SYTL3: variants seen among roughly 807,000 people sequenced by gnomAD.
SYTL3 encodes synaptotagmin-like protein 3.
In SYTL3, 88 loss-of-function variants were observed where a neutral mutation model predicts 82.1. The observed-to-expected ratio is 1.07, with a 90% confidence interval of 0.90 to 1.28. The LOEUF (loss-of-function observed/expected upper bound fraction) is 1.28, where lower values mean the gene tolerates loss of function less well. SYTL3 is among the 50% of genes most tolerant of loss of function. The pLI is 0.00. For missense variants in SYTL3, 831 were observed against 757.6 expected (o/e 1.10, Z -1.14); for synonymous variants, 311 against 289.4 (o/e 1.07, Z -0.76).
At chr6:158,763,052 C>T (rs1177496171) in intron 16 of SYTL3, among the ~76,000 whole-genome samples, 2 of 152,136 alleles carry the variant, frequency 1.3e-5, no homozygotes. Flanking sequence ...GTGGGAGGCA[C>T]CCCAAGGAGG....
intron 6 of SYTL3, among the ~76,000 whole-genome samples, chr6:158,702,359 T>TA (rs1554253986): frequency 2.5e-4 from 38 of 149,516 alleles, no homozygotes; most frequent in African/African-American, 8.8e-4. Flanking sequence ...TTTTTTTTTT[T>TA]ATAGGACATA....
chr6:158,708,044 A>G (rs950348955), intron 7 of SYTL3, among the ~76,000 whole-genome samples: 3 of 152,178 alleles, frequency 2.0e-5, no homozygotes, highest in African/African-American at 7.2e-5. Context: ...TGGCAGGTCC[A>G]GGCCGGAGCA....
rs1790583535 is a variant in SYTL3 at position 158,764,745 on chromosome 6, T to C, written c.*141T>C. The C allele has an allele frequency of 1.6e-6, 1 of 606,658 alleles. No homozygotes were observed. Among genetic ancestry groups the C allele is most frequent in the African/African-American group, 1.8e-5 (1 of 54,358 alleles). 37.6% of individuals were successfully genotyped at this position (606,658 alleles called of 1,614,324 possible). ...CCATCTGCGGCCCTGTCCCATGGCTTAACCGCCTATTGGTATCTGTGTATA... is the reference window on the plus strand; with the variant it reads ...CCATCTGCGGCCCTGTCCCATGGCTCAACCGCCTATTGGTATCTGTGTATA... On this transcript the variant is annotated 3_prime_UTR_variant, in exon 18 of 18. Transcript: ENST00000611299.
intron 11 of SYTL3, among the ~76,000 whole-genome samples, chr6:158,734,160 A>T (rs991899511): frequency 6.6e-6 from 1 of 152,094 alleles, no homozygotes; most frequent in Non-Finnish European, 1.5e-5. Context: ...TGCTAAAAAA[A>T]ACCTTTTTGT....
intron 11 of SYTL3, among the ~76,000 whole-genome samples, chr6:158,730,592 C>A (rs1785273947): frequency 6.6e-6 from 1 of 152,084 alleles, no homozygotes; most frequent in Admixed American, 6.6e-5. Context: ...CGAGACCCAC[C>A]CTGTGTGACG....
At chr6:158,652,183 C>G (rs1225234967) in intron 2 of SYTL3, among the ~76,000 whole-genome samples, 1 of 151,914 alleles carries the variant, frequency 6.6e-6, no homozygotes, top group African/African-American at 2.4e-5. Context: ...CCACCTCGGC[C>G]TCCCAAAGTG....
chr6:158,749,161 G>T (rs1375825199), intron 12 of SYTL3, among the ~76,000 whole-genome samples: 1 of 151,964 alleles, frequency 6.6e-6, no homozygotes, highest in Non-Finnish European at 1.5e-5. Flanking sequence ...GGAGGCAGAG[G>T]TTGCAGTGAG....
In SYTL3 at chr6:158,674,119, A is replaced by AATAATAATAATAATAATG. The variant is rs544841096; in HGVS notation, c.329+8508_329+8509insAATAATAATAATAATGAT. On this transcript the variant is annotated intron_variant, in intron 5 of 17. Coordinates refer to ENST00000611299, the MANE Select transcript of SYTL3 (RefSeq NM_001242394.2). ...TAATAATAATAATAATAATAATAAT[A>AATAATAATAATAATAATG]ATGATGATGATGATGATAATCTTCT... 4.4e-3 allele frequency among the ~76,000 whole-genome samples: 617 copies of AATAATAATAATAATAATG among 141,416 alleles called. 5 individuals carry two copies. The highest frequency in any genetic ancestry group is 0.016 in the African/African-American group (593 of 36,444). The allele number at this position is 141,416 out of a possible 152,430, so 92.8% of individuals were successfully genotyped here.
At chr6:158,726,251 T>C in intron 11 of SYTL3, 1 of 442,792 alleles carries the variant, frequency 2.3e-6, no homozygotes, top group Non-Finnish European at 4.4e-6. Flanking sequence ...AGACAAAATT[T>C]CAGGAGTCTC....
chr6:158,723,029 G>A (rs992987111), intron 10 of SYTL3, among the ~76,000 whole-genome samples: 1 of 150,502 alleles, frequency 6.6e-6, no homozygotes, highest in African/African-American at 2.4e-5. Flanking sequence ...GCTTCCCAAA[G>A]TGCCGGGATT....
At chr6:158,664,669 A>G (rs183246390) in intron 4 of SYTL3, among the ~76,000 whole-genome samples, 2 of 152,366 alleles carry the variant, frequency 1.3e-5, no homozygotes, top group East Asian at 3.9e-4. Flanking sequence ...TGACATAGAC[A>G]TAGTGATAAC....
At chr6:158,687,115 A>G (rs900437674) in intron 6 of SYTL3, among the ~76,000 whole-genome samples, 1 of 152,208 alleles carries the variant, frequency 6.6e-6, no homozygotes. Flanking sequence ...CTTTCCACGC[A>G]CTGGTTATCT....
intron 11 of SYTL3, among the ~76,000 whole-genome samples, chr6:158,738,647 C>T (rs1168798673): frequency 6.6e-6 from 1 of 152,122 alleles, no homozygotes; most frequent in African/African-American, 2.4e-5. Context: ...CTCCCCACCT[C>T]AGCTAATCTT....
At chr6:158,710,264 G>A (rs1393079870) in intron 8 of SYTL3, among the ~76,000 whole-genome samples, 1 of 152,156 alleles carries the variant, frequency 6.6e-6, no homozygotes, top group Non-Finnish European at 1.5e-5. Context: ...TGTGCATCCA[G>A]CTTTGTAACT....
At chr6:158,647,838 G>C (rs1562330209), upstream of SYTL3, among the ~76,000 whole-genome samples, 1 of 152,266 alleles carries the variant, frequency 6.6e-6, no homozygotes, top group Non-Finnish European at 1.5e-5. Flanking sequence ...TTGGAGGTTA[G>C]TGATAGGTTG....
intron 2 of SYTL3, among the ~76,000 whole-genome samples, chr6:158,654,824 G>T (rs546881862): frequency 6.6e-6 from 1 of 152,160 alleles, no homozygotes; most frequent in African/African-American, 2.4e-5. Context: ...GTGTCGGGGG[G>T]GCTTCTCCAC....
intron 6 of SYTL3, among the ~76,000 whole-genome samples, chr6:158,691,093 T>G (rs996460084): frequency 6.6e-6 from 1 of 152,154 alleles, no homozygotes; most frequent in Admixed American, 6.6e-5. Context: ...ATGCCTGTAA[T>G]CCCAGCACTT....
In SYTL3 at chr6:158,725,544, G is replaced by A. The variant is rs754847894; in HGVS notation, c.762G>A (p.Glu254=). 12 of 1,614,048 alleles carry A rather than the reference G, an allele frequency of 7.4e-6. No homozygotes were observed. In the South Asian group the frequency reaches 1.1e-4, roughly 15 times the overall value. The change falls in exon 11 of 18, where the codon GAG becomes GAA. Residue 254 remains glutamate, a synonymous_variant. Transcript: ENST00000611299. The part of the protein sequence containing the change: ...APDILKPLNQ[E]DPKCSTNPIL... ...ATATTCTGAAACCTCTCAATCAAGA[G>A]GATCCCAAATGCTCTACTAACCCTA...
intron 9 of SYTL3, among the ~76,000 whole-genome samples, chr6:158,717,487 G>T (rs139509264): frequency 6.6e-6 from 1 of 152,140 alleles, no homozygotes; most frequent in East Asian, 1.9e-4. Context: ...CTATCTTCAA[G>T]GTGGTTCTCT....
Sources: gnomAD v4.1 joint callset for allele counts (sites outside exome capture counted in the v4.1 genomes callset) on GRCh38, gnomAD v4.1.1 for gene constraint, MANE v1.5 for transcripts, NCBI Gene and HGNC (gene_info 2026-07-23, HGNC 2026-07-21) for gene names.